Variants in ATF7 observed in about 807,000 individuals in gnomAD.
ATF7 encodes the protein cyclic AMP-dependent transcription factor ATF-7.
ATF7 carries 10 observed loss-of-function variants against 50.4 expected under a neutral mutation model. That is an observed-to-expected ratio of 0.20 (90% CI 0.12 to 0.34). The LOEUF (loss-of-function observed/expected upper bound fraction) is 0.34. Among genes scored for constraint, ATF7 ranks in the 10% least tolerant of loss-of-function variants. The probability of loss-of-function intolerance (pLI) is 1.00; values close to 1 mark genes in which losing one functional copy is unlikely to be tolerated. For missense variants in ATF7, 465 were observed against 613.9 expected, an observed-to-expected ratio of 0.76 and a Z score of 2.56; for synonymous variants, 201 against 226.4, an observed-to-expected ratio of 0.89 and a Z score of 1.01.
chr12:53,537,630 A>G (rs1346283131), intron 4 of ATF7, 78 bp from the exon 5 acceptor site: 11 of 1,509,562 alleles, frequency 7.3e-6, no homozygotes, highest in Non-Finnish European at 9.9e-6. Context: ...CATTTCCAAG[A>G]TAAGGGAATA....
chr12:53,622,513 C>T (rs1396381892), intron 1 of ATF7, among the ~76,000 whole-genome samples: 3 of 151,186 alleles, frequency 2.0e-5, no homozygotes, highest in Non-Finnish European at 2.9e-5. Flanking sequence ...CCCAGCTACT[C>T]GGGAGGTTGA....
At chr12:53,575,914 G>A (rs1452304275) in intron 2 of ATF7, 1 of 153,262 alleles carries the variant, frequency 6.5e-6, no homozygotes, top group Non-Finnish European at 1.5e-5. Flanking sequence ...AACTGTGCAT[G>A]AGAGAACACA....
In ATF7 at chr12:53,555,490, A is replaced by ATTT. The variant is rs543048867; in HGVS notation, c.49-2856_49-2854dup. The stretch of plus-strand genomic sequence containing the variant: ...AGTTTATAAAGAAGAAAATAATATA[A>ATTT]TTTTTTTTTTTTTTTTTTTTTTTTT... On this transcript the variant is annotated intron_variant, in intron 2 of 11. Coordinates refer to ENST00000420353, the MANE Select transcript of ATF7 (RefSeq NM_006856.3). Among the ~76,000 whole-genome samples, 12 of 100,768 alleles carry ATTT rather than the reference A, an allele frequency of 1.2e-4. 1 individual carries two copies. Among genetic ancestry groups the ATTT allele is most frequent in the Non-Finnish European group, 1.6e-4 (9 of 55,344 alleles). 66.1% of individuals were successfully genotyped at this position (100,768 alleles called of 152,430 possible).
chr12:53,620,973 C>T (rs1944356203), intron 1 of ATF7, among the ~76,000 whole-genome samples: 1 of 152,068 alleles, frequency 6.6e-6, no homozygotes, highest in Non-Finnish European at 1.5e-5. Flanking sequence ...TATTATTTCT[C>T]AGAAAGATTC....
chr12:53,558,947 TCTC>T (rs1412315654), intron 2 of ATF7, among the ~76,000 whole-genome samples: 2 of 152,106 alleles, frequency 1.3e-5, no homozygotes, highest in African/African-American at 4.8e-5. Context: ...ATCTAGAATC[TCTC>T]CTCCTCACAA....
intron 1 of ATF7, among the ~76,000 whole-genome samples, chr12:53,609,157 C>CTTTT (rs535786548): frequency 0.034 from 4,754 of 141,274 alleles, 264 homozygotes; most frequent in African/African-American, 0.11. Flanking sequence ...CTCTTTTTTC[C>CTTTT]TTTTTTTTTT....
At chr12:53,536,063 G>C (rs1939201987) in intron 5 of ATF7, among the ~76,000 whole-genome samples, 2 of 152,010 alleles carry the variant, frequency 1.3e-5, no homozygotes, top group Non-Finnish European at 2.9e-5. Flanking sequence ...GTAAAATCAG[G>C]ATACAGACCA....
At chr12:53,538,715 A>C (rs1246408715) in intron 4 of ATF7, among the ~76,000 whole-genome samples, 1 of 152,180 alleles carries the variant, frequency 6.6e-6, no homozygotes, top group Admixed American at 6.6e-5. Flanking sequence ...TGGTGAAGCA[A>C]CTGCTTGTTT....
intron 5 of ATF7, 136 bp downstream of exon 5, chr12:53,537,279 G>T: frequency 9.0e-7 from 1 of 1,106,324 alleles, no homozygotes; most frequent in East Asian, 2.7e-5. Flanking sequence ...ATGTTGCCCA[G>T]GCTGGTCTTG....
Position 53,600,956 on chromosome 12 carries a change from T to C in ATF7, c.45A>G (p.Gly15=). 6.2e-7 allele frequency: 1 copy of C among 1,613,090 alleles called. No individual in the cohort carries two copies. The highest frequency in any genetic ancestry group is 8.5e-7 in the Non-Finnish European group (1 of 1,179,578). ...RPFVCNAPGC[G]QRFTNEDHLA... is the part of the protein sequence containing the mutation. ...ATAAAGTATATTGTAAACGTACCTG[T>C]CCACAGCCCGGGGCATTGCACACAA... The change falls in exon 2 of 12, where the codon GGA becomes GGG. Residue 15 remains glycine (G), a synonymous_variant. Coordinates refer to ENST00000420353, the MANE Select transcript of ATF7 (RefSeq NM_006856.3).
chr12:53,579,431 A>T (rs1942275254), intron 2 of ATF7, among the ~76,000 whole-genome samples: 1 of 151,918 alleles, frequency 6.6e-6, no homozygotes, highest in Non-Finnish European at 1.5e-5. Context: ...ATACACCTGT[A>T]ATCCCAGCTA....
chr12:53,525,603 T>A (rs1465244816), intron 9 of ATF7, among the ~76,000 whole-genome samples: 1 of 152,192 alleles, frequency 6.6e-6, no homozygotes, highest in Admixed American at 6.5e-5. Flanking sequence ...ATTATTTTTA[T>A]TTATAATCAG....
At chr12:53,594,270 T>TCCC (rs1943062747) in intron 2 of ATF7, among the ~76,000 whole-genome samples, 1 of 152,182 alleles carries the variant, frequency 6.6e-6, no homozygotes, top group Admixed American at 6.5e-5. Flanking sequence ...CTAACAGGAA[T>TCCC]GCTCTGAGAA....
intron 2 of ATF7, among the ~76,000 whole-genome samples, chr12:53,555,509 T>C (rs1445244875): frequency 2.9e-5 from 3 of 104,662 alleles, no homozygotes; most frequent in Admixed American, 1.0e-4. Flanking sequence ...TTTTTTTTTT[T>C]TTTTTTTTTG....
intron 6 of ATF7, among the ~76,000 whole-genome samples, chr12:53,533,486 A>T (rs1272285999): frequency 6.6e-6 from 1 of 152,112 alleles, no homozygotes; most frequent in Non-Finnish European, 1.5e-5. Context: ...AATTAAGCAA[A>T]CTCAAATAGT....
At position 53,554,005 on chromosome 12, in the gene ATF7, T is replaced by C. The variant is rs149904886; in HGVS notation, c.49-1368A>G. Among the ~76,000 whole-genome samples the C allele has an allele frequency of 8.3e-3, 1,258 of 152,350 alleles. 6 individuals are homozygous for C. Among genetic ancestry groups the C allele is most frequent in the Middle Eastern group, 0.014 (4 of 294 alleles). On this transcript the variant is annotated intron_variant, in intron 2 of 11. Coordinates refer to ENST00000420353, the MANE Select transcript of ATF7 (RefSeq NM_006856.3). Reference sequence around the variant, plus strand: ...ATCCAAAATCCCAGGCTGGTCGCGATGGCTCATGCCTGTAATTGCAGCACT... The same window carrying C: ...ATCCAAAATCCCAGGCTGGTCGCGACGGCTCATGCCTGTAATTGCAGCACT...
intron 2 of ATF7, among the ~76,000 whole-genome samples, chr12:53,578,593 G>A (rs953158877): frequency 1.3e-5 from 2 of 151,746 alleles, no homozygotes; most frequent in Non-Finnish European, 2.9e-5. Flanking sequence ...ATCAGCCTGG[G>A]CAATATCAGC....
At chr12:53,508,039 A>T (rs1944052182), downstream of ATF7, 1 of 152,082 alleles carries the variant, frequency 6.6e-6, no homozygotes, top group African/African-American at 2.4e-5. Flanking sequence ...TGTGGATAGA[A>T]AAAATATATT....
intron 2 of ATF7, among the ~76,000 whole-genome samples, chr12:53,587,421 T>C (rs905691888): frequency 1.4e-5 from 2 of 144,948 alleles, no homozygotes; most frequent in Non-Finnish European, 1.5e-5. Context: ...TCCCAGCACT[T>C]TGAGAGGCTG....
Sources: allele counts gnomAD v4.1 joint callset (sites outside exome capture counted in the v4.1 genomes callset), GRCh38; gene constraint gnomAD v4.1.1; transcripts MANE v1.5; gene names NCBI Gene and HGNC (gene_info 2026-07-23, HGNC 2026-07-21).